CLDN14: variants seen among roughly 807,000 people sequenced by gnomAD.
CLDN14 encodes the protein claudin 14.
Under a neutral mutation model 2.1 loss-of-function variants are expected in CLDN14, and 2 were observed. That is an observed-to-expected ratio of 0.96 (90% CI 0.39 to 3.01). CLDN14 has a LOEUF of 3.01. Ranked by LOEUF, CLDN14 falls within the 30% of genes most tolerant of loss-of-function variation. The probability of loss-of-function intolerance (pLI) is 0.09; values close to 1 mark genes in which losing one functional copy is unlikely to be tolerated. For synonymous variants in CLDN14, 136 were observed against 154.4 expected (o/e 0.88, Z 0.88); for missense variants, 298 against 328.0 (o/e 0.91, Z 0.71).
intron 1 of CLDN14, among the ~76,000 whole-genome samples, chr21:36,539,719 G>A (rs532319197): frequency 1.3e-5 from 2 of 150,512 alleles, no homozygotes; most frequent in Admixed American, 6.6e-5. Context: ...TACGGTGTTA[G>A]TGTGTGTGGA....
At chr21:36,483,178 G>A (rs2086864564), upstream of CLDN14, among the ~76,000 whole-genome samples, 1 of 152,174 alleles carries the variant, frequency 6.6e-6, no homozygotes. Context: ...GCAGCTGCAA[G>A]TTCTCCCCAA....
chr21:36,479,415 A>C (rs2146447108), intron 1 of CLDN14, 80 bp downstream of exon 1: 1 of 152,364 alleles, frequency 6.6e-6, no homozygotes, highest in East Asian at 1.9e-4. Context: ...TCTAACCGGC[A>C]GGGCCTAAGG....
intron 2 of CLDN14, among the ~76,000 whole-genome samples, chr21:36,506,563 C>A (rs1312276992): frequency 6.7e-6 from 1 of 150,060 alleles, no homozygotes; most frequent in East Asian, 2.0e-4. Context: ...GGCCACTTCA[C>A]TGCAGCCTGG....
intron 2 of CLDN14, among the ~76,000 whole-genome samples, chr21:36,490,327 C>T (rs1223958607): frequency 6.6e-6 from 1 of 152,068 alleles, no homozygotes; most frequent in Admixed American, 6.5e-5. Context: ...CCTCAGCCTC[C>T]CAAAGAGCTG....
chr21:36,465,745 A>G (rs1797860059), intron 1 of CLDN14, among the ~76,000 whole-genome samples: 1 of 152,152 alleles, frequency 6.6e-6, no homozygotes, highest in Admixed American at 6.5e-5. Context: ...GTGGGCTACC[A>G]TTTTCCTGCA....
At chr21:36,486,491 A>G (rs767078263) in intron 2 of CLDN14, 1 of 1,559,406 alleles carries the variant, frequency 6.4e-7, no homozygotes, top group South Asian at 1.1e-5. Context: ...TCCAAATTCA[A>G]AGTCACTGGC....
At chr21:36,539,995 TGTA>T (rs1323332906) in intron 1 of CLDN14, among the ~76,000 whole-genome samples, 2 of 150,846 alleles carry the variant, frequency 1.3e-5, no homozygotes, top group African/African-American at 4.9e-5. Flanking sequence ...GGTATATGTG[TGTA>T]GTATGTGATG....
chr21:36,512,203 A>G (rs1471581212), intron 1 of CLDN14, among the ~76,000 whole-genome samples: 1 of 152,202 alleles, frequency 6.6e-6, no homozygotes, highest in African/African-American at 2.4e-5. Flanking sequence ...CGCCAAAGGA[A>G]CAGTGGGAGA....
chr21:36,520,894 C>T (rs759836450), intron 1 of CLDN14, among the ~76,000 whole-genome samples: 14 of 152,208 alleles, frequency 9.2e-5, no homozygotes, highest in South Asian at 4.2e-4. Context: ...CCCCCTTCAA[C>T]GCTCCCCATG....
chr21:36,548,948 C>T (rs1469324699), intron 1 of CLDN14, among the ~76,000 whole-genome samples: 1 of 152,214 alleles, frequency 6.6e-6, no homozygotes, highest in East Asian at 1.9e-4. Context: ...CCAGTTGCTG[C>T]ATAGTTCACG....
chr21:36,533,243 C>CAG (rs1386332072), intron 1 of CLDN14, among the ~76,000 whole-genome samples: 1 of 152,190 alleles, frequency 6.6e-6, no homozygotes, highest in Non-Finnish European at 1.5e-5. Context: ...TCCAGCCAGG[C>CAG]AGAGAGTGGC....
intron 2 of CLDN14, among the ~76,000 whole-genome samples, chr21:36,492,468 A>AAAAAT (rs71198818): frequency 1.4e-5 from 2 of 138,854 alleles, no homozygotes; most frequent in Non-Finnish European, 3.1e-5. Flanking sequence ...AAAAAAAAAA[A>AAAAAT]TGCAAAAATT....
At chr21:36,494,065 G>A (rs1296957959) in intron 2 of CLDN14, among the ~76,000 whole-genome samples, 2 of 152,184 alleles carry the variant, frequency 1.3e-5, no homozygotes, top group Non-Finnish European at 2.9e-5. Flanking sequence ...ATCTTCTGCG[G>A]GGACATCAAC....
chr21:36,512,852 A>G (rs963627058), intron 1 of CLDN14, among the ~76,000 whole-genome samples: 12 of 152,240 alleles, frequency 7.9e-5, no homozygotes, highest in Admixed American at 6.5e-4. Flanking sequence ...TTTTTACCAC[A>G]CATACTTTTG....
chr21:36,471,743 G>A (rs1359811176), intron 1 of CLDN14, among the ~76,000 whole-genome samples: 1 of 152,238 alleles, frequency 6.6e-6, no homozygotes, highest in Admixed American at 6.5e-5. Context: ...ACACCTGGCT[G>A]AAAACCTTCA....
chr21:36,538,423 G>T (rs1467758618), intron 1 of CLDN14, among the ~76,000 whole-genome samples: 1 of 152,136 alleles, frequency 6.6e-6, no homozygotes, highest in Admixed American at 6.5e-5. Context: ...AGACCATCCT[G>T]GCCAACATAG....
intron 1 of CLDN14, among the ~76,000 whole-genome samples, chr21:36,540,323 T>C (rs2087477940): frequency 6.6e-6 from 1 of 152,184 alleles, no homozygotes; most frequent in Non-Finnish European, 1.5e-5. Context: ...TGTAAAGCTA[T>C]GTAAATAGTT....
chr21:36,474,070 G>C (rs944411511), intron 1 of CLDN14, among the ~76,000 whole-genome samples: 1 of 152,144 alleles, frequency 6.6e-6, no homozygotes, highest in African/African-American at 2.4e-5. Context: ...AATGAGCCCA[G>C]AGAATTCTTT....
chr21:36,488,661 T>TGGGGGGGGGGGGGGGGGGGGGGGGG (rs1246549283), intron 2 of CLDN14, among the ~76,000 whole-genome samples: 1 of 94,180 alleles, frequency 1.1e-5, no homozygotes, highest in Non-Finnish European at 2.2e-5. Context: ...GGCGGGGGGG[T>TGGGGGGGGGGGGGGGGGGGGGGGGG]GGGGAGTTAC....
Sources: allele counts gnomAD v4.1 joint callset (sites outside exome capture counted in the v4.1 genomes callset), GRCh38; gene constraint gnomAD v4.1.1; transcripts MANE v1.5; gene names NCBI Gene and HGNC (gene_info 2026-07-23, HGNC 2026-07-21).